LRP1: variants seen among roughly 807,000 people sequenced by gnomAD.
LRP1 encodes the protein LDL receptor related protein 1, also known as prolow-density lipoprotein receptor-related protein 1.
A neutral mutation model predicts 541.5 loss-of-function variants in LRP1; 51 were observed. The observed-to-expected ratio is 0.09, with a 90% CI of 0.08 to 0.12. The LOEUF is 0.12. Among genes scored for constraint, LRP1 ranks in the 10% least tolerant of loss-of-function variants. The probability of loss-of-function intolerance (pLI) is 1.00; values close to 1 mark genes in which losing one functional copy is unlikely to be tolerated. For synonymous variants in LRP1, 2,219 were observed against 2,470.8 expected (o/e 0.90, Z 3.02); for missense variants, 3,878 against 6,376.2 (o/e 0.61, Z 13.34).
chr12:57,134,257 C>G (rs1481810308), intron 1 of LRP1, among the ~76,000 whole-genome samples: 1 of 152,140 alleles, frequency 6.6e-6, no homozygotes, highest in Non-Finnish European at 1.5e-5. Context: ...TCTCCTTCCT[C>G]TCTAGATCTC....
At position 57,193,916 on chromosome 12, in the gene LRP1, G is replaced by A. The variant is rs374522304; in HGVS notation, c.7822G>A (p.Gly2608Ser). Reference protein sequence around the residue: ...IPCNKTACGVGEFRCRDGTCI... With the variant: ...IPCNKTACGVSEFRCRDGTCI... Reference sequence around the variant, plus strand: ...TGTTCTAGAGACAGCCTGTGGTGTGGGCGAGTTCCGCTGCCGGGACGGGAC... The same window carrying A: ...TGTTCTAGAGACAGCCTGTGGTGTGAGCGAGTTCCGCTGCCGGGACGGGAC... The change falls in exon 48 of 89, where the codon GGC (glycine) becomes AGC (serine). Residue 2608 changes from glycine (G) to serine (S), a missense_variant. Around this residue, in one of 13 missense-constraint regions of LRP1, gnomAD observed 1,100 missense variants for 1,827.4 expected, o/e 0.60. Transcript: ENST00000243077. The A allele has an allele frequency of 1.9e-6, 3 of 1,613,940 alleles. No homozygotes were observed. The African/African-American group carries it at 4.0e-5, about 22-fold the overall frequency.
intron 6 of LRP1, chr12:57,149,852 C>T (rs1038160024): frequency 1.8e-5 from 12 of 678,712 alleles, no homozygotes; most frequent in Non-Finnish European, 2.1e-5. Context: ...TTCCCACCTT[C>T]GAAGTCCTCA....
Position 57,185,552 on chromosome 12 carries a change from C to T in LRP1, c.6485C>T (p.Ala2162Val). The T allele has an allele frequency of 6.3e-7, 1 of 1,596,752 alleles. No individual in the cohort carries two copies. The highest frequency in any genetic ancestry group is 8.5e-7 in the Non-Finnish European group (1 of 1,169,756). Residue 2162 changes from alanine to valine, a missense_variant, in exon 41 of 89, where the codon GCC (alanine) becomes GTC (valine). Physicochemically the swap from Ala to Val is moderately conservative, Grantham distance 64. Around this residue, in one of 13 missense-constraint regions of LRP1, gnomAD observed 1,100 missense variants for 1,827.4 expected, o/e 0.60. Transcript: ENST00000243077. This position sits in a 1 kb window ranked among gnomAD's most constrained non-coding sequence, Gnocchi z 4.9. The part of the protein sequence containing the change: ...RQKGTNVCAV[A>V]NGGCQQLCLY... ...CCAGGCACCAACGTGTGCGCGGTGG[C>T]CAATGGCGGGTGCCAGCAGCTGTGC... is the stretch of plus-strand genomic sequence containing the variant.
rs369567018 is a variant in LRP1 at position 57,205,552 on chromosome 12, C to T, written c.11471-6C>T. On this transcript the variant is annotated splice_region_variant and splice_polypyrimidine_tract_variant and intron_variant, in intron 74 of 88. Coordinates refer to ENST00000243077, the MANE Select transcript of LRP1 (RefSeq NM_002332.3). The surrounding 1 kb of genome is among the most constrained non-coding windows in gnomAD (Gnocchi z 4.6). ...GGACTCTCATGACCCTCCCTGTAACCCTTAGACATCAACGAGTGCCTGCGC... is the reference window on the plus strand; with the variant it reads ...GGACTCTCATGACCCTCCCTGTAACTCTTAGACATCAACGAGTGCCTGCGC... The T allele has an allele frequency of 1.9e-6, 3 of 1,614,024 alleles. No homozygotes were observed. Among genetic ancestry groups the T allele is most frequent in the African/African-American group, 1.3e-5 (1 of 75,030 alleles).
At chr12:57,202,298 C>T (rs573313336) in intron 67 of LRP1, 123 bp from the exon 68 acceptor site, 13 of 785,792 alleles carry the variant, frequency 1.7e-5, no homozygotes, top group South Asian at 1.2e-4. Flanking sequence ...GGGCTCCCCG[C>T]GGCTGACCCT....
Position 57,179,264 on chromosome 12 carries a change from G to A in LRP1, c.4739-65G>A, listed in dbSNP as rs2036111856. 1.5e-6 allele frequency: 2 copies of A among 1,364,878 alleles called. No individual in the cohort carries two copies. Among genetic ancestry groups the A allele is most frequent in the Non-Finnish European group, 2.1e-6 (2 of 969,322 alleles). The allele number at this position is 1,364,878 out of a possible 1,614,324, so 84.5% of individuals were successfully genotyped here. A position where few individuals can be genotyped will look rare whatever the true frequency, so the allele number is the denominator to read the frequency against. On this transcript the variant is annotated intron_variant, in intron 28 of 88. Transcript: ENST00000243077. The surrounding 1 kb of genome is among the most constrained non-coding windows in gnomAD (Gnocchi z 6.8). ...ACGGATCCAGAAGAAGGCAGGGCCT[G>A]AAACCGGATTGGTGGGAAGCACAGA...
rs2036946260 is a variant in LRP1, at chr12:57,212,749, C to A, written c.*194C>A. On this transcript the variant is annotated 3_prime_UTR_variant, in exon 89 of 89. Coordinates refer to ENST00000243077, the MANE Select transcript of LRP1 (RefSeq NM_002332.3). The surrounding 1 kb of genome is among the most constrained non-coding windows in gnomAD (Gnocchi z 5.0). The stretch of plus-strand genomic sequence containing the variant: ...GTATTATTTCTCCATCCCCTCCCTG[C>A]CTGCTCCTTGGCACCCCCATGCTGC... 1.6e-6 allele frequency: 1 copy of A among 609,032 alleles called. No homozygotes were observed. The highest frequency in any genetic ancestry group is 2.7e-6 in the Non-Finnish European group (1 of 364,868). 37.7% of individuals were successfully genotyped at this position (609,032 alleles called of 1,614,324 possible).
chr12:57,178,575 G>C lies in LRP1; in HGVS notation c.4578G>C (p.Gln1526His), dbSNP rs1190960193. ...QRTNTQPFDL[Q>H]VYHPSRQPMA... ...CCAACACCCAGCCCTTTGACCTGCAGGTGTACCACCCCTCCCGCCAGCCCA... is the reference window on the plus strand; with the variant it reads ...CCAACACCCAGCCCTTTGACCTGCACGTGTACCACCCCTCCCGCCAGCCCA... Residue 1526 changes from glutamine to histidine, a missense_variant, in exon 27 of 89, where the codon CAG becomes CAC. Physicochemically the swap from Gln to His is conservative, Grantham distance 24. Coordinates refer to ENST00000243077, the MANE Select transcript of LRP1 (RefSeq NM_002332.3). This position sits in a 1 kb window ranked among gnomAD's most constrained non-coding sequence, Gnocchi z 5.8. 1 of 1,614,116 alleles carries C rather than the reference G, an allele frequency of 6.2e-7. No homozygotes were observed. The highest frequency in any genetic ancestry group is 1.3e-5 in the African/African-American group (1 of 74,944).
chr12:57,212,479 C>T lies in LRP1; in HGVS notation c.13559C>T (p.Ser4520Phe). The T allele has an allele frequency of 6.2e-7, 1 of 1,614,122 alleles. No homozygotes were observed. Among genetic ancestry groups the T allele is most frequent in the African/African-American group, 1.3e-5 (1 of 75,040 alleles). The change falls in exon 89 of 89, where the codon TCC becomes TTC. Residue 4520 changes from serine (S) to phenylalanine (F), a missense_variant. By Grantham distance (155) the Ser-to-Phe change is radical. Coordinates refer to ENST00000243077, the MANE Select transcript of LRP1 (RefSeq NM_002332.3). This position sits in a 1 kb window ranked among gnomAD's most constrained non-coding sequence, Gnocchi z 5.0. ...LYMGGHGSRHSLASTDEKREL... is the reference protein window; with the variant it reads ...LYMGGHGSRHFLASTDEKREL... Reference sequence around the variant, plus strand: ...ATGGGGGGCCATGGCAGTCGCCACTCCCTGGCCAGCACGGACGAGAAGCGA... The same window carrying T: ...ATGGGGGGCCATGGCAGTCGCCACTTCCTGGCCAGCACGGACGAGAAGCGA...
rs895396849 is a variant in LRP1 at position 57,155,963 on chromosome 12, T to A, written c.1228-131T>A. On this transcript the variant is annotated intron_variant, in intron 8 of 88. Coordinates refer to ENST00000243077, the MANE Select transcript of LRP1 (RefSeq NM_002332.3). Reference sequence around the variant, plus strand: ...GAGGTCCCGTCTCAAAATAAATAAATAAAAATTAAAAACTACAGGATGAAT... The same window carrying A: ...GAGGTCCCGTCTCAAAATAAATAAAAAAAAATTAAAAACTACAGGATGAAT... 1.8e-5 allele frequency: 13 copies of A among 717,772 alleles called. No individual in the cohort carries two copies. The African/African-American group carries it at 2.4e-4, about 13-fold the overall frequency. The allele number at this position is 717,772 out of a possible 1,614,324, so 44.5% of individuals were successfully genotyped here. A position where few individuals can be genotyped will look rare whatever the true frequency, so the allele number is the denominator to read the frequency against.
chr12:57,161,605 T>C (rs1363175537), intron 13 of LRP1, among the ~76,000 whole-genome samples: 1 of 152,084 alleles, frequency 6.6e-6, no homozygotes, highest in African/African-American at 2.4e-5. Context: ...TCTGGTCTCT[T>C]TTCTCCCCAC....
intron 1 of LRP1, among the ~76,000 whole-genome samples, chr12:57,136,127 G>A (rs2035158278): frequency 6.6e-6 from 1 of 152,240 alleles, no homozygotes; most frequent in South Asian, 2.1e-4. Context: ...AGGCTGGCGG[G>A]CTGTGTTTCC....
Position 57,143,688 on chromosome 12 carries a change from G to A in LRP1, c.338G>A (p.Gly113Asp). The A allele has an allele frequency of 6.2e-7, 1 of 1,613,516 alleles. No homozygotes were observed. Among genetic ancestry groups the A allele is most frequent in the Non-Finnish European group, 8.5e-7 (1 of 1,179,534 alleles). The change falls in exon 4 of 89, where the codon GGC becomes GAC. Residue 113 changes from glycine to aspartate, a missense_variant. Physicochemically the swap from Gly to Asp is moderately conservative, Grantham distance 94. Coordinates refer to ENST00000243077, the MANE Select transcript of LRP1 (RefSeq NM_002332.3). ...DEGPHCRELQ[G>D]NCSRLGCQHH... ...TCCTGCCCCCACACAGAGCTCCAAG[G>A]CAACTGCTCTCGCCTGGGCTGCCAG... is the stretch of plus-strand genomic sequence containing the variant.
intron 1 of LRP1, among the ~76,000 whole-genome samples, chr12:57,133,586 G>A (rs1011548002): frequency 1.3e-5 from 2 of 151,488 alleles, no homozygotes; most frequent in South Asian, 2.1e-4. Flanking sequence ...CCATAAGGTC[G>A]AAAATTCAGA....
In LRP1 at chr12:57,154,378, T is replaced by A. The variant is rs1239641793; in HGVS notation, c.1004+8T>A. On this transcript the variant is annotated splice_region_variant and intron_variant, in intron 7 of 88. Transcript: ENST00000243077. This position sits in a 1 kb window ranked among gnomAD's most constrained non-coding sequence, Gnocchi z 4.6. ...CCTGGACCCTGCCATGGGGTGAGAG[T>A]GGCAGGCGGGGTTCTGGCCCTGGAA... The A allele has an allele frequency of 6.2e-7, 1 of 1,605,690 alleles. No homozygotes were observed. The highest frequency in any genetic ancestry group is 1.1e-5 in the South Asian group (1 of 90,900).
At chr12:57,138,328 T>C (rs1824207829) in intron 1 of LRP1, 131 bp from the exon 2 acceptor site, 2 of 1,104,370 alleles carry the variant, frequency 1.8e-6, no homozygotes, top group Non-Finnish European at 2.6e-6. Flanking sequence ...CCCAGGCACA[T>C]AGACCATGGC....
At position 57,207,460 on chromosome 12, in the gene LRP1, G is replaced by A. The variant is rs551069716; in HGVS notation, c.11860-578G>A. Among the ~76,000 whole-genome samples the A allele has an allele frequency of 6.6e-5, 10 of 151,834 alleles. No individual in the cohort carries two copies. The South Asian group carries it at 8.3e-4, about 13-fold the overall frequency. The stretch of plus-strand genomic sequence containing the variant: ...AGTTGCAGTGAGCCGAGTGCCACTC[G>A]GTTGCAGTGGCACCAAGGTTGCAGA... On this transcript the variant is annotated intron_variant, in intron 76 of 88. Transcript: ENST00000243077.
In LRP1 at chr12:57,196,765, C is replaced by A. The variant is rs538287970; in HGVS notation, c.8893-217C>A. On this transcript the variant is annotated intron_variant, in intron 55 of 88. Coordinates refer to ENST00000243077, the MANE Select transcript of LRP1 (RefSeq NM_002332.3). ...CAGGAGAACAGCCACGAGAAGAAAGCATTTCCATGGGGAGGGCACACGCAG... is the reference window on the plus strand; with the variant it reads ...CAGGAGAACAGCCACGAGAAGAAAGAATTTCCATGGGGAGGGCACACGCAG... Among the ~76,000 whole-genome samples the A allele has an allele frequency of 2.0e-5, 3 of 152,318 alleles. No individual in the cohort carries two copies. The South Asian group carries it at 6.2e-4, about 32-fold the overall frequency.
In LRP1 at chr12:57,184,378, C is replaced by T; in HGVS notation, c.6112C>T (p.Leu2038=). The T allele has an allele frequency of 6.2e-7, 1 of 1,614,226 alleles. No homozygotes were observed. Among genetic ancestry groups the T allele is most frequent in the South Asian group, 1.1e-5 (1 of 91,080 alleles). ...GQYPRIERSR[L]DGTERVVLVN... is the part of the protein sequence containing the mutation. ...GTATCCGCGTATTGAGCGGTCTCGG[C>T]TAGATGGCACGGAGCGTGTGGTGCT... Residue 2038 remains leucine, a synonymous_variant, in exon 38 of 89, where the codon CTA becomes TTA. Coordinates refer to ENST00000243077, the MANE Select transcript of LRP1 (RefSeq NM_002332.3). This position sits in a 1 kb window ranked among gnomAD's most constrained non-coding sequence, Gnocchi z 7.8.
Sources: gnomAD v4.1 joint callset for allele counts (sites outside exome capture counted in the v4.1 genomes callset) on GRCh38, gnomAD v4.1.1 for gene constraint, gnomAD v4.1.1 regional missense constraint, Gnocchi (gnomAD v3.1) non-coding constraint, MANE v1.5 for transcripts, NCBI Gene and HGNC (gene_info 2026-07-23, HGNC 2026-07-21) for gene names.